Variants in HYDIN observed in about 807,000 individuals in gnomAD.
HYDIN encodes HYDIN axonemal central pair apparatus protein, also known as axonemal central pair apparatus protein HYDIN.
A neutral mutation model predicts 403.9 loss-of-function variants in HYDIN; 132 were observed. The observed-to-expected ratio is 0.33, with a 90% confidence interval of 0.28 to 0.38. HYDIN has a LOEUF of 0.38. Among genes scored for constraint, HYDIN ranks in the 10% least tolerant of loss-of-function variants. The pLI is 1.00. For missense variants in HYDIN, 2,827 were observed against 5,009.5 expected (o/e 0.56, Z 13.15); for synonymous variants, 1,202 against 1,891.7 (o/e 0.64, Z 9.46).
At chr16:70,994,423 G>T (rs2079463007) in intron 23 of HYDIN, among the ~76,000 whole-genome samples, 1 of 152,138 alleles carries the variant, frequency 6.6e-6, no homozygotes, top group Admixed American at 6.5e-5. Flanking sequence ...AAAGCATGGA[G>T]AATTCACAGA....
chr16:71,134,963 A>G (rs3114639), intron 8 of HYDIN, among the ~76,000 whole-genome samples: 2 of 151,762 alleles, frequency 1.3e-5, no homozygotes, highest in Non-Finnish European at 2.9e-5. Context: ...AGAGAAGGGA[A>G]AGCACGTCGT....
intron 83 of HYDIN, among the ~76,000 whole-genome samples, chr16:70,823,657 C>T (rs974833636): frequency 3.3e-5 from 5 of 152,214 alleles, no homozygotes; most frequent in Non-Finnish European, 5.9e-5. Flanking sequence ...ATTCCTTTAA[C>T]AACCACATAG....
intron 18 of HYDIN, among the ~76,000 whole-genome samples, chr16:71,060,051 T>A (rs190161669): frequency 1.3e-5 from 2 of 152,216 alleles, no homozygotes; most frequent in Non-Finnish European, 2.9e-5. Flanking sequence ...CACCAACATA[T>A]GTATAGCCAA....
At chr16:71,019,524 G>A (rs1479714246) in intron 22 of HYDIN, among the ~76,000 whole-genome samples, 2 of 152,270 alleles carry the variant, frequency 1.3e-5, no homozygotes, top group African/African-American at 4.8e-5. Flanking sequence ...AAGGGGCTGG[G>A]CATAAGTTAG....
Position 71,161,281 on chromosome 16 carries a change from G to A in HYDIN, c.716+1250C>T, listed in dbSNP as rs935817886. On this transcript the variant is annotated intron_variant, in intron 6 of 85. Coordinates refer to ENST00000393567, the MANE Select transcript of HYDIN (RefSeq NM_001270974.2). ...CGCGGCTGATCTGACAGGAGGCGGA[G>A]CTCAGGCGGTAATGCTAGTGATGGG... Among the ~76,000 whole-genome samples the A allele has an allele frequency of 3.9e-5, 6 of 152,202 alleles. No individual in the cohort carries two copies. In the South Asian group the frequency reaches 1.0e-3, roughly 26 times the overall value.
At chr16:70,931,205 CTTCTGTTT>C (rs1261923017) in intron 45 of HYDIN, among the ~76,000 whole-genome samples, 14 of 99,440 alleles carry the variant, frequency 1.4e-4, no homozygotes, top group African/African-American at 4.9e-4. Context: ...GTCTCTCTTT[CTTCTGTTT>C]TTTTTTTTTT....
At chr16:71,001,767 AGAGT>A (rs1297117098) in intron 23 of HYDIN, among the ~76,000 whole-genome samples, 1 of 151,524 alleles carries the variant, frequency 6.6e-6, no homozygotes, top group Non-Finnish European at 1.5e-5. Context: ...AGCCACCAGC[AGAGT>A]GAGGTAGGGA....
intron 44 of HYDIN, among the ~76,000 whole-genome samples, chr16:70,938,191 T>C (rs1256295951): frequency 4.9e-4 from 75 of 151,904 alleles, no homozygotes; most frequent in Middle Eastern, 3.4e-3. Flanking sequence ...GAGCAGTCAC[T>C]ATGCCCAGGT....
intron 5 of HYDIN, among the ~76,000 whole-genome samples, chr16:71,169,325 A>G (rs916972655): frequency 6.6e-6 from 1 of 152,068 alleles, no homozygotes; most frequent in African/African-American, 2.4e-5. Context: ...CCCAGCTACT[A>G]GGGAGGCTGA....
intron 5 of HYDIN, among the ~76,000 whole-genome samples, chr16:71,165,112 C>T (rs2086160734): frequency 6.6e-6 from 1 of 151,312 alleles, no homozygotes; most frequent in South Asian, 2.1e-4. Context: ...ACCCAAGGGT[C>T]AGAGGGACCC....
chr16:71,070,269 CTCTCCTTCCT>C (rs1568105762), intron 13 of HYDIN, among the ~76,000 whole-genome samples: 17 of 144,652 alleles, frequency 1.2e-4, no homozygotes, highest in African/African-American at 3.4e-4. Context: ...CTTTCTTTCT[CTCTCCTTCCT>C]TCCTTCCTTC....
chr16:70,979,708 G>T (rs1483279459), intron 29 of HYDIN, among the ~76,000 whole-genome samples: 7 of 152,182 alleles, frequency 4.6e-5, no homozygotes, highest in Non-Finnish European at 1.0e-4. Context: ...AGGGCGGGCA[G>T]ATTGCCTGAG....
At chr16:71,133,960 T>C (rs941224552) in intron 8 of HYDIN, among the ~76,000 whole-genome samples, 1 of 152,178 alleles carries the variant, frequency 6.6e-6, no homozygotes, top group Admixed American at 6.5e-5. Context: ...AGGAACGTCA[T>C]TGCCCAAGTG....
At chr16:70,969,663 A>G (rs1451910856) in intron 36 of HYDIN, among the ~76,000 whole-genome samples, 3 of 152,226 alleles carry the variant, frequency 2.0e-5, no homozygotes, top group African/African-American at 7.2e-5. Context: ...ATAATAAAAG[A>G]AGAAATCTTG....
chr16:70,897,139 A>G (rs1021671511), intron 53 of HYDIN, among the ~76,000 whole-genome samples: 2 of 152,066 alleles, frequency 1.3e-5, no homozygotes, highest in Non-Finnish European at 2.9e-5. Flanking sequence ...CAAGGAACTC[A>G]ATCAAATCAA....
chr16:71,038,742 C>A (rs546522504), intron 18 of HYDIN, among the ~76,000 whole-genome samples: 178 of 152,176 alleles, frequency 1.2e-3, no homozygotes, highest in African/African-American at 4.0e-3. Flanking sequence ...ACCACTGCAA[C>A]CTCCGCCTCC....
At position 70,986,129 on chromosome 16, in the gene HYDIN, T is replaced by TA. The variant is rs537156725; in HGVS notation, c.4195-808dup. Among the ~76,000 whole-genome samples, 710 of 114,612 alleles carry TA rather than the reference T, an allele frequency of 6.2e-3. 28 individuals are homozygous for TA. The highest frequency in any genetic ancestry group is 0.053 in the Admixed American group (576 of 10,810). The allele number at this position is 114,612 out of a possible 152,430, so 75.2% of individuals were successfully genotyped here. ...ATAAAAAGAATTAAAATAAATAAATTAAAAAAAAAAAGATTTGCCTTCTGG... is the reference window on the plus strand; with the variant it reads ...ATAAAAAGAATTAAAATAAATAAATTAAAAAAAAAAAAGATTTGCCTTCTGG... On this transcript the variant is annotated intron_variant, in intron 27 of 85. Coordinates refer to ENST00000393567, the MANE Select transcript of HYDIN (RefSeq NM_001270974.2).
chr16:70,906,880 T>C (rs1436269590), intron 50 of HYDIN, among the ~76,000 whole-genome samples: 1 of 152,238 alleles, frequency 6.6e-6, no homozygotes, highest in African/African-American at 2.4e-5. Flanking sequence ...GTTTCCCCAA[T>C]AGCGCTAGCT....
At chr16:70,955,069 T>G (rs968371451) in intron 40 of HYDIN, among the ~76,000 whole-genome samples, 5 of 152,210 alleles carry the variant, frequency 3.3e-5, no homozygotes, top group Non-Finnish European at 5.9e-5. Context: ...ATTATTTTCC[T>G]CTGCTCTGAG....
Sources: gnomAD v4.1 joint callset for allele counts (sites outside exome capture counted in the v4.1 genomes callset) on GRCh38, gnomAD v4.1.1 for gene constraint, MANE v1.5 for transcripts, NCBI Gene and HGNC (gene_info 2026-07-23, HGNC 2026-07-21) for gene names.